The following OPN3 variants were observed in gnomAD, a reference collection of about 807,000 sequenced individuals.
The protein encoded by OPN3 is opsin 3, also known as opsin-3.
A neutral mutation model predicts 33.8 loss-of-function variants in OPN3; 29 were observed. The ratio of observed to expected loss-of-function variants is 0.86; its 90% CI spans 0.64 to 1.17. The LOEUF (loss-of-function observed/expected upper bound fraction) is 1.17. Ranked by LOEUF, OPN3 falls within the 50% of genes most tolerant of loss-of-function variation. The probability of loss-of-function intolerance (pLI) is 0.00; values close to 1 mark genes in which losing one functional copy is unlikely to be tolerated. For missense variants in OPN3, 437 were observed against 514.1 expected (o/e 0.85, Z 1.45); for synonymous variants, 216 against 216.1 (o/e 1.00, Z 0.00).
In OPN3 at chr1:241,594,657, C is replaced by T. The variant is rs749835501; in HGVS notation, c.980G>A (p.Arg327Gln). 2.3e-5 allele frequency: 37 copies of T among 1,613,862 alleles called. 1 individual carries two copies. The highest frequency in any genetic ancestry group is 1.8e-4 in the South Asian group (16 of 91,042). The stretch of plus-strand genomic sequence containing the variant: ...AGCAGGCCTCTGGCACCTCAGCAGT[C>T]GGAGGCACAGAAGCTGCAAAAGGGA... ...RRSLLQLLCLRLLRCQRPAKD... is the reference protein window; with the variant it reads ...RRSLLQLLCLQLLRCQRPAKD... Residue 327 changes from arginine (R) to glutamine (Q), a missense_variant, in exon 4 of 4, where the codon CGA (arginine) becomes CAA (glutamine). Coordinates refer to ENST00000366554, the MANE Select transcript of OPN3 (RefSeq NM_014322.3).
rs1481134706 is a variant in OPN3, at chr1:241,593,428, A to G, written c.*1000T>C. ...TATGAAGATGAAACACTAGAGTCAT[A>G]TAAGAAATAAAAATTGGGCAATAAA... On this transcript the variant is annotated 3_prime_UTR_variant, in exon 4 of 4. Coordinates refer to ENST00000366554, the MANE Select transcript of OPN3 (RefSeq NM_014322.3). The G allele has an allele frequency of 7.9e-6, 3 of 380,094 alleles. No homozygotes were observed. In the East Asian group the frequency reaches 2.2e-4, roughly 28 times the overall value. 23.5% of individuals were successfully genotyped at this position (380,094 alleles called of 1,614,324 possible). A position where few individuals can be genotyped will look rare whatever the true frequency, so the allele number is the denominator to read the frequency against.
chr1:241,635,687 C>T (rs1558448371), intron 1 of OPN3: 6 of 1,613,914 alleles, frequency 3.7e-6, no homozygotes, highest in African/African-American at 1.3e-5. Context: ...ACTTCTTGAA[C>T]ATGCAGCTGC....
intron 1 of OPN3, chr1:241,615,904 C>T (rs977191486): frequency 2.8e-5 from 13 of 456,606 alleles, no homozygotes; most frequent in African/African-American, 2.6e-4. Flanking sequence ...GCTCTGGCTT[C>T]CCTAGTGGCT....
At chr1:241,604,164 C>A in intron 2 of OPN3, 96 bp downstream of exon 2, 2 of 1,133,480 alleles carry the variant, frequency 1.8e-6, no homozygotes, top group South Asian at 1.4e-5. Flanking sequence ...CTCTGGGCAA[C>A]TACTGATGAC....
chr1:241,605,525 A>G (rs1663806436), intron 1 of OPN3, among the ~76,000 whole-genome samples: 1 of 152,240 alleles, frequency 6.6e-6, no homozygotes, highest in Admixed American at 6.5e-5. Context: ...AGAGTAAGGT[A>G]CTCACTTAAC....
At chr1:241,628,478 C>T (rs551766964) in intron 1 of OPN3, among the ~76,000 whole-genome samples, 33 of 152,156 alleles carry the variant, frequency 2.2e-4, no homozygotes, top group Non-Finnish European at 4.4e-4. Context: ...AAGATCTGGC[C>T]TTCGCACAGG....
chr1:241,605,495 T>C (rs1273120276), intron 1 of OPN3, among the ~76,000 whole-genome samples: 1 of 152,242 alleles, frequency 6.6e-6, no homozygotes, highest in Non-Finnish European at 1.5e-5. Flanking sequence ...ACTGTTTGTA[T>C]ATTTCTCTGT....
rs201927979 is a variant in OPN3, at chr1:241,604,308, C to G, written c.645G>C (p.Leu215=). ...FLFLGCLVVP[L]GVIAHCYGHI... is the part of the protein sequence containing the mutation. ...GGCCATAGCAATGGGCTATGACACC[C>G]AGGGGCACCACCAGGCAGCCAAGAA... is the stretch of plus-strand genomic sequence containing the variant. The change falls in exon 2 of 4, where the codon CTG becomes CTC. Residue 215 remains leucine, a synonymous_variant. Transcript: ENST00000366554. 130 of 1,613,990 alleles carry G rather than the reference C, an allele frequency of 8.1e-5. No individual in the cohort carries two copies. The highest frequency in any genetic ancestry group is 1.1e-4 in the Non-Finnish European group (127 of 1,180,010).
intron 1 of OPN3, among the ~76,000 whole-genome samples, chr1:241,625,069 C>T (rs902592686): frequency 2.0e-5 from 3 of 152,214 alleles, no homozygotes; most frequent in East Asian, 1.9e-4. Flanking sequence ...AACTGGGACA[C>T]GGTTCATGCT....
intron 1 of OPN3, among the ~76,000 whole-genome samples, chr1:241,612,425 A>G (rs915653371): frequency 2.0e-5 from 3 of 152,230 alleles, no homozygotes; most frequent in Non-Finnish European, 4.4e-5. Context: ...AACTCTACGA[A>G]GATTGCTTAA....
intron 1 of OPN3, among the ~76,000 whole-genome samples, chr1:241,621,950 G>T (rs937125363): frequency 2.0e-5 from 3 of 151,962 alleles, no homozygotes; most frequent in Non-Finnish European, 4.4e-5. Context: ...TTGCTTGGTG[G>T]TATGTTGATT....
chr1:241,626,743 C>G (rs1003137901), intron 1 of OPN3, among the ~76,000 whole-genome samples: 1 of 152,102 alleles, frequency 6.6e-6, no homozygotes, highest in African/African-American at 2.4e-5. Flanking sequence ...AAAGTTTCCC[C>G]ATACTGGGTA....
intron 1 of OPN3, 120 bp downstream of exon 1, chr1:241,639,762 G>A (rs1181956401): frequency 7.6e-6 from 8 of 1,046,298 alleles, no homozygotes; most frequent in Middle Eastern, 3.3e-4. Context: ...TAGGGCGGGG[G>A]GCGCGGGGCC....
At chr1:241,615,378 A>G (rs1664098956) in intron 1 of OPN3, among the ~76,000 whole-genome samples, 1 of 152,166 alleles carries the variant, frequency 6.6e-6, no homozygotes, top group Admixed American at 6.5e-5. Flanking sequence ...TCGTGAACAC[A>G]GCAATCTAGG....
Position 241,640,271 on chromosome 1 carries a change from G to A in OPN3, c.-17C>T, listed in dbSNP as rs1375353604. 1 of 1,181,738 alleles carries A rather than the reference G, an allele frequency of 8.5e-7. No individual in the cohort carries two copies. Among genetic ancestry groups the A allele is most frequent in the Non-Finnish European group, 1.0e-6 (1 of 957,948 alleles). 73.2% of individuals were successfully genotyped at this position (1,181,738 alleles called of 1,614,324 possible). On this transcript the variant is annotated 5_prime_UTR_variant, in exon 1 of 4. Coordinates refer to ENST00000366554, the MANE Select transcript of OPN3 (RefSeq NM_014322.3). ...CGAGTACATGGCCCGGCGCCGGCGC[G>A]CCTGGCGGGCGGAGGCGCTCAGCTT...
intron 1 of OPN3, chr1:241,633,674 A>C (rs1052693020): frequency 1.0e-6 from 1 of 979,136 alleles, no homozygotes; most frequent in Non-Finnish European, 1.5e-6. Flanking sequence ...TAAAGACAAC[A>C]TCTGCATAGC....
intron 1 of OPN3, chr1:241,635,785 C>A: frequency 6.3e-7 from 1 of 1,591,992 alleles, no homozygotes; most frequent in Non-Finnish European, 8.6e-7. Context: ...GTAACAGCGT[C>A]TGGTGACAAC....
rs773669674 is a variant in OPN3 at position 241,593,344 on chromosome 1, G to T, written c.*1084C>A. 2.3e-6 allele frequency: 1 copy of T among 430,020 alleles called. No homozygotes were observed. The highest frequency in any genetic ancestry group is 1.7e-5 in the South Asian group (1 of 58,556). The allele number at this position is 430,020 out of a possible 1,614,324, so 26.6% of individuals were successfully genotyped here. ...GCACATTTAGTGAAATGTTTTCTTT[G>T]GTTCATCCTTCTTTAACAGGCTGCT... is the stretch of plus-strand genomic sequence containing the variant. On this transcript the variant is annotated 3_prime_UTR_variant, in exon 4 of 4. Coordinates refer to ENST00000366554, the MANE Select transcript of OPN3 (RefSeq NM_014322.3).
chr1:241,604,933 T>A (rs1663785670), intron 1 of OPN3, among the ~76,000 whole-genome samples: 1 of 151,812 alleles, frequency 6.6e-6, no homozygotes, highest in South Asian at 2.1e-4. Flanking sequence ...CATACGCCTG[T>A]GGTCCCAGCT....
Sources: gnomAD v4.1 joint callset for allele counts (sites outside exome capture counted in the v4.1 genomes callset) on GRCh38, gnomAD v4.1.1 for gene constraint, MANE v1.5 for transcripts, NCBI Gene and HGNC (gene_info 2026-07-23, HGNC 2026-07-21) for gene names.